Variants in JMJD1C observed in about 807,000 individuals in gnomAD.
The protein encoded by JMJD1C is jumonji domain-containing protein 1C.
In JMJD1C, 31 loss-of-function variants were observed where a neutral mutation model predicts 245.3. That is an observed-to-expected ratio of 0.13 (90% CI 0.09 to 0.17). The LOEUF is 0.17. Ranked by LOEUF, JMJD1C falls within the 10% of genes least tolerant of loss-of-function variation. The pLI, the probability that JMJD1C is intolerant of heterozygous loss-of-function variation, is 1.00. For synonymous variants in JMJD1C, 1,057 were observed against 1,017.4 expected (o/e 1.04, Z -0.74); for missense variants, 2,691 against 3,000.2 (o/e 0.90, Z 2.41).
At chr10:63,369,145 TTC>T (rs535874761) in intron 2 of JMJD1C, among the ~76,000 whole-genome samples, 18 of 151,858 alleles carry the variant, frequency 1.2e-4, no homozygotes, top group Admixed American at 4.6e-4. Context: ...TTCTTTCTCT[TTC>T]TCTCTCTCTT....
intron 2 of JMJD1C, among the ~76,000 whole-genome samples, chr10:63,365,766 C>T (rs1356656115): frequency 1.3e-5 from 2 of 152,168 alleles, no homozygotes; most frequent in Non-Finnish European, 2.9e-5. Context: ...TGGATGATGA[C>T]AATAACACCA....
intron 2 of JMJD1C, among the ~76,000 whole-genome samples, chr10:63,304,610 T>C (rs984448297): frequency 2.0e-5 from 3 of 152,206 alleles, no homozygotes; most frequent in Non-Finnish European, 2.9e-5. Context: ...ACTTTTAATG[T>C]TGGTAGAATC....
chr10:63,307,280 T>C (rs1015699176), intron 2 of JMJD1C, among the ~76,000 whole-genome samples: 2 of 152,110 alleles, frequency 1.3e-5, no homozygotes, highest in African/African-American at 4.8e-5. Flanking sequence ...TAAAAACATA[T>C]ATGGAACAAC....
At chr10:63,408,934 G>C (rs1043232268) in intron 1 of JMJD1C, among the ~76,000 whole-genome samples, 1 of 152,060 alleles carries the variant, frequency 6.6e-6, no homozygotes, top group African/African-American at 2.4e-5. Context: ...ATACAAACCT[G>C]AATGTACTGA....
In JMJD1C at chr10:63,341,769, C is replaced by T. The variant is rs117774904; in HGVS notation, c.333+38549G>A. ...ATGTGACTTCATTAATTCAGCCATG[C>T]GACCAGGGTATCTTTAGATCAATAA... On this transcript the variant is annotated intron_variant, in intron 2 of 25. Coordinates refer to ENST00000399262, the MANE Select transcript of JMJD1C (RefSeq NM_032776.3). 4.6e-3 allele frequency among the ~76,000 whole-genome samples: 706 copies of T among 152,306 alleles called. 6 individuals are homozygous for T. The highest frequency in any genetic ancestry group is 7.4e-3 in the Non-Finnish European group (504 of 68,022).
intron 1 of JMJD1C, among the ~76,000 whole-genome samples, chr10:63,424,160 TG>T (rs1192031164): frequency 6.6e-6 from 1 of 152,048 alleles, no homozygotes; most frequent in African/African-American, 2.4e-5. Context: ...TGACTGAAGG[TG>T]TAAACCTCCT....
intron 13 of JMJD1C, among the ~76,000 whole-genome samples, chr10:63,196,995 G>A (rs566515609): frequency 2.0e-5 from 3 of 151,796 alleles, no homozygotes; most frequent in Admixed American, 2.0e-4. Flanking sequence ...AGAGATGGGG[G>A]TTTTGCCATG....
chr10:63,397,452 A>G (rs1294371479), intron 1 of JMJD1C, among the ~76,000 whole-genome samples: 1 of 152,088 alleles, frequency 6.6e-6, no homozygotes, highest in Non-Finnish European at 1.5e-5. Flanking sequence ...ACCTCAGGTG[A>G]TCTGTCTGCC....
intron 2 of JMJD1C, among the ~76,000 whole-genome samples, chr10:63,369,090 CTCTT>C (rs751288328): frequency 1.5e-4 from 23 of 151,670 alleles, no homozygotes; most frequent in East Asian, 5.8e-4. Context: ...ATTTTTCTTC[CTCTT>C]TCTTTCTTTT....
intron 9 of JMJD1C, 118 bp from the exon 10 acceptor site, chr10:63,208,919 T>C (rs1589151773): frequency 1.9e-6 from 2 of 1,027,708 alleles, no homozygotes; most frequent in East Asian, 2.6e-5. Context: ...TGTACTCTAA[T>C]ACTATAATAA....
chr10:63,500,608 T>C (rs773684531), intron 1 of JMJD1C, among the ~76,000 whole-genome samples: 1 of 152,112 alleles, frequency 6.6e-6, no homozygotes, highest in Non-Finnish European at 1.5e-5. Context: ...GGCACACGCC[T>C]GTAATCCCAG....
intron 2 of JMJD1C, among the ~76,000 whole-genome samples, chr10:63,376,532 G>T (rs1295043796): frequency 1.3e-5 from 2 of 151,232 alleles, no homozygotes; most frequent in Admixed American, 6.6e-5. Flanking sequence ...ATCTAAAAGG[G>T]GATTAATATC....
chr10:63,205,945 T>C (rs1471761359), intron 10 of JMJD1C, among the ~76,000 whole-genome samples: 1 of 152,148 alleles, frequency 6.6e-6, no homozygotes, highest in African/African-American at 2.4e-5. Context: ...TGCCTCAGCT[T>C]CCCAAAGTGC....
intron 1 of JMJD1C, among the ~76,000 whole-genome samples, chr10:63,497,162 CT>C (rs939271116): frequency 6.6e-6 from 1 of 151,666 alleles, no homozygotes; most frequent in Non-Finnish European, 1.5e-5. Flanking sequence ...CTTGATTAAT[CT>C]TAGTTTACTT....
chr10:63,247,384 G>T (rs553343718), intron 3 of JMJD1C, among the ~76,000 whole-genome samples: 1 of 151,986 alleles, frequency 6.6e-6, no homozygotes, highest in East Asian at 1.9e-4. Context: ...TACCAAAATT[G>T]AACCAGGAAA....
intron 24 of JMJD1C, among the ~76,000 whole-genome samples, chr10:63,171,979 C>T (rs979965337): frequency 1.4e-4 from 22 of 152,168 alleles, no homozygotes; most frequent in Admixed American, 7.2e-4. Context: ...TTGTGAATTA[C>T]GGACAACATC....
intron 3 of JMJD1C, among the ~76,000 whole-genome samples, chr10:63,234,188 T>G (rs1314584471): frequency 6.7e-6 from 1 of 149,620 alleles, no homozygotes; most frequent in African/African-American, 2.4e-5. Context: ...AAGTCTAGCA[T>G]GGGTAACATG....
At chr10:63,249,382 C>CAGAG (rs1166499729) in intron 3 of JMJD1C, among the ~76,000 whole-genome samples, 7 of 151,982 alleles carry the variant, frequency 4.6e-5, no homozygotes, top group Admixed American at 2.0e-4. Flanking sequence ...TGGTGGTTAC[C>CAGAG]AGAGACCTGT....
intron 4 of JMJD1C, 43 bp downstream of exon 4, chr10:63,219,835 C>T (rs1387658956): frequency 1.4e-6 from 2 of 1,397,910 alleles, no homozygotes. Context: ...TGATAAGTTG[C>T]CTAGATCCAA....
Sources: allele counts gnomAD v4.1 joint callset (sites outside exome capture counted in the v4.1 genomes callset), GRCh38; gene constraint gnomAD v4.1.1; transcripts MANE v1.5; gene names NCBI Gene and HGNC (gene_info 2026-07-23, HGNC 2026-07-21).